ZFPM1: variants seen among roughly 807,000 people sequenced by gnomAD.
ZFPM1 encodes zinc finger protein, FOG family member 1.
A neutral mutation model predicts 46.3 loss-of-function variants in ZFPM1; 28 were observed. That is an observed-to-expected ratio of 0.60 (90% CI 0.45 to 0.83). The LOEUF (loss-of-function observed/expected upper bound fraction) is 0.83. ZFPM1 is among the 40% of genes least tolerant of loss of function. The pLI, the probability that ZFPM1 is intolerant of heterozygous loss-of-function variation, is 0.00. For missense variants in ZFPM1, 1,878 were observed against 1,432.4 expected (o/e 1.31, Z -5.02); for synonymous variants, 957 against 675.9 (o/e 1.42, Z -6.45).
intron 1 of ZFPM1, among the ~76,000 whole-genome samples, chr16:88,457,578 A>T (rs1907613870): frequency 1.3e-5 from 2 of 152,080 alleles, no homozygotes; most frequent in African/African-American, 4.8e-5. Context: ...TTAGGCTGCG[A>T]AGCCATCATT....
intron 1 of ZFPM1, among the ~76,000 whole-genome samples, chr16:88,483,425 C>T (rs1283553601): frequency 6.6e-6 from 1 of 152,220 alleles, no homozygotes; most frequent in African/African-American, 2.4e-5. Flanking sequence ...TCCCCTTCCT[C>T]CACCACCTCT....
chr16:88,487,026 C>T (rs1261119031), intron 2 of ZFPM1, among the ~76,000 whole-genome samples: 1 of 152,196 alleles, frequency 6.6e-6, no homozygotes. Context: ...CTCCACATTC[C>T]CTGGGCCCTC....
At chr16:88,452,026 C>T (rs1342063545), upstream of ZFPM1, among the ~76,000 whole-genome samples, 2 of 152,178 alleles carry the variant, frequency 1.3e-5, no homozygotes, top group African/African-American at 2.4e-5. Flanking sequence ...TCCCAGCAGG[C>T]TGGCGGGTGG....
intron 3 of ZFPM1, among the ~76,000 whole-genome samples, chr16:88,492,786 G>A (rs1450766293): frequency 6.6e-6 from 1 of 152,138 alleles, no homozygotes; most frequent in Non-Finnish European, 1.5e-5. Flanking sequence ...AGACTCCCTG[G>A]AGGCACTCAT....
At chr16:88,487,791 G>A (rs1351823469) in intron 2 of ZFPM1, among the ~76,000 whole-genome samples, 1 of 152,192 alleles carries the variant, frequency 6.6e-6, no homozygotes, top group Non-Finnish European at 1.5e-5. Context: ...GGGGTCACCA[G>A]AGCCAGTGGG....
chr16:88,471,053 C>G lies in ZFPM1; in HGVS notation c.41-14886C>G, dbSNP rs1908395620. Among the ~76,000 whole-genome samples, 1 of 152,168 alleles carries G rather than the reference C, an allele frequency of 6.6e-6. No individual in the cohort carries two copies. The highest frequency in any genetic ancestry group is 1.5e-5 in the Non-Finnish European group (1 of 68,018). On this transcript the variant is annotated intron_variant, in intron 1 of 9. Coordinates refer to ENST00000319555, the MANE Select transcript of ZFPM1 (RefSeq NM_153813.3). The surrounding 1 kb of genome is among the most constrained non-coding windows in gnomAD (Gnocchi z 4.1). ...ACAGGCATTCCCTTCCCCGTGTGCC[C>G]TTGCCAACTACATACTGGGCTGCCC...
rs536224642 is a variant in ZFPM1 at position 88,511,659 on chromosome 16, G to C, written c.269-2728G>C. ...TCCAATGCGATTTTACTTCCGGTTG[G>C]GAGAGGGTCTCTGCAGGAACAGGGC... On this transcript the variant is annotated intron_variant, in intron 3 of 9. Coordinates refer to ENST00000319555, the MANE Select transcript of ZFPM1 (RefSeq NM_153813.3). Among the ~76,000 whole-genome samples, 15 of 152,280 alleles carry C rather than the reference G, an allele frequency of 9.9e-5. No individual in the cohort carries two copies. In the South Asian group the frequency reaches 3.1e-3, roughly 32 times the overall value.
intron 3 of ZFPM1, among the ~76,000 whole-genome samples, chr16:88,503,996 C>T (rs1910518981): frequency 6.6e-6 from 1 of 152,078 alleles, no homozygotes; most frequent in Non-Finnish European, 1.5e-5. Flanking sequence ...TCACCAGCAC[C>T]TGCCTGGGTG....
Position 88,534,779 on chromosome 16 carries a change from G to T in ZFPM1, c.2821G>T (p.Glu941Ter). 7.9e-7 allele frequency: 1 copy of T among 1,261,730 alleles called. No homozygotes were observed. Among genetic ancestry groups the T allele is most frequent in the East Asian group, 3.3e-5 (1 of 30,760 alleles). The allele number at this position is 1,261,730 out of a possible 1,614,324, so 78.2% of individuals were successfully genotyped here. A position where few individuals can be genotyped will look rare whatever the true frequency, so the allele number is the denominator to read the frequency against. ...GCCCCCGTCCCCGGCCGCCGCGCCC[G>T]AGGCCGTGCCGCCCCCGCCGGCGCC... ...GPPPSPAAAP[E>*]AVPPPPAPPS... The change falls in exon 10 of 10, where the codon GAG (glutamate) becomes TAG (stop). Residue 941 changes from glutamate (E) to a stop codon, truncating the protein, a stop_gained. Coordinates refer to ENST00000319555, the MANE Select transcript of ZFPM1 (RefSeq NM_153813.3). LOFTEE classifies it low-confidence loss of function (END_TRUNC).
At chr16:88,510,393 C>T (rs1270680518) in intron 3 of ZFPM1, among the ~76,000 whole-genome samples, 1 of 152,250 alleles carries the variant, frequency 6.6e-6, no homozygotes, top group Non-Finnish European at 1.5e-5. Flanking sequence ...CTCGGTCCCC[C>T]ACTGCTTCCA....
chr16:88,485,303 C>T (rs1567533890), intron 1 of ZFPM1, among the ~76,000 whole-genome samples: 1 of 152,144 alleles, frequency 6.6e-6, no homozygotes, highest in African/African-American at 2.4e-5. Flanking sequence ...ACACGGGGTC[C>T]GCGGCCCTTC....
At chr16:88,508,818 G>T (rs1214726076) in intron 3 of ZFPM1, among the ~76,000 whole-genome samples, 1 of 152,252 alleles carries the variant, frequency 6.6e-6, no homozygotes, top group African/African-American at 2.4e-5. Context: ...CCCCCCAGGA[G>T]GGTCTGACTT....
In ZFPM1 at chr16:88,526,811, C is replaced by G; in HGVS notation, c.403-3C>G. The G allele has an allele frequency of 5.9e-6, 9 of 1,535,628 alleles. No homozygotes were observed. Among genetic ancestry groups the G allele is most frequent in the East Asian group, 2.5e-5 (1 of 40,776 alleles). On this transcript the variant is annotated splice_polypyrimidine_tract_variant and splice_region_variant and intron_variant, in intron 4 of 9. Coordinates refer to ENST00000319555, the MANE Select transcript of ZFPM1 (RefSeq NM_153813.3). ...CCCACGTGTTCCTACCCTCCCCCCC[C>G]AGAGCCCAGCCCTGACCCTGCTGCT... is the stretch of plus-strand genomic sequence containing the variant.
At position 88,535,045 on chromosome 16, in the gene ZFPM1, A is replaced by G. The variant is rs1913181617; in HGVS notation, c.*66A>G. On this transcript the variant is annotated 3_prime_UTR_variant, in exon 10 of 10. Coordinates refer to ENST00000319555, the MANE Select transcript of ZFPM1 (RefSeq NM_153813.3). ...GCGATGCGGGGAGGGGGCCGCCCCCAGGCCGCACGGACTGCCGCTCCTGGG... is the reference window on the plus strand; with the variant it reads ...GCGATGCGGGGAGGGGGCCGCCCCCGGGCCGCACGGACTGCCGCTCCTGGG... The G allele has an allele frequency of 1.5e-6, 2 of 1,346,078 alleles. No individual in the cohort carries two copies. The highest frequency in any genetic ancestry group is 1.9e-6 in the Non-Finnish European group (2 of 1,042,300). The allele number at this position is 1,346,078 out of a possible 1,614,324, so 83.4% of individuals were successfully genotyped here.
intron 1 of ZFPM1, among the ~76,000 whole-genome samples, chr16:88,459,139 G>A (rs1907688954): frequency 5.3e-5 from 8 of 152,182 alleles, no homozygotes; most frequent in Admixed American, 5.2e-4. Context: ...TGTGCAGGCG[G>A]CCCCCATGCA....
intron 3 of ZFPM1, among the ~76,000 whole-genome samples, chr16:88,506,301 G>A (rs1183741172): frequency 2.6e-5 from 4 of 151,538 alleles, no homozygotes; most frequent in African/African-American, 9.7e-5. Context: ...GGGGGCACCA[G>A]GGCAGGGGGA....
chr16:88,479,707 C>G (rs1460954159), intron 1 of ZFPM1, among the ~76,000 whole-genome samples: 1 of 151,142 alleles, frequency 6.6e-6, no homozygotes. Flanking sequence ...CCCCCCCCAC[C>G]CACCTGCTAC....
rs150205611 is a variant in ZFPM1 at position 88,532,672 on chromosome 16, C to T, written c.1005C>T (p.Cys335=). 583 of 1,604,052 alleles carry T rather than the reference C, an allele frequency of 3.6e-4. No individual in the cohort carries two copies. The highest frequency in any genetic ancestry group is 4.8e-4 in the Non-Finnish European group (563 of 1,175,650). ...CLSAFTTKAN[C]ERHLKVHTDT... is the part of the protein sequence containing the mutation. Reference sequence around the variant, plus strand: ...CGGCCTTCACCACCAAGGCCAACTGCGAGCGGCACCTCAAGGTGCACACGG... The same window carrying T: ...CGGCCTTCACCACCAAGGCCAACTGTGAGCGGCACCTCAAGGTGCACACGG... The change falls in exon 8 of 10, where the codon TGC becomes TGT. Residue 335 remains cysteine, a synonymous_variant. Transcript: ENST00000319555.
At chr16:88,490,299 G>A (rs993555085) in intron 3 of ZFPM1, among the ~76,000 whole-genome samples, 3 of 152,268 alleles carry the variant, frequency 2.0e-5, no homozygotes, top group East Asian at 1.9e-4. Context: ...TGATCCGCCC[G>A]CCTCGGCCTC....
Sources: gnomAD v4.1 joint callset for allele counts (sites outside exome capture counted in the v4.1 genomes callset) on GRCh38, gnomAD v4.1.1 for gene constraint, Gnocchi (gnomAD v3.1) non-coding constraint, MANE v1.5 for transcripts, NCBI Gene and HGNC (gene_info 2026-07-23, HGNC 2026-07-21) for gene names.